CDH12: variants seen among roughly 807,000 people sequenced by gnomAD.
CDH12 encodes cadherin-12.
CDH12 carries 41 observed loss-of-function variants against 74.1 expected under a neutral mutation model. That is an observed-to-expected ratio of 0.55 (90% CI 0.43 to 0.72). CDH12 has a LOEUF of 0.72. Among genes scored for constraint, CDH12 ranks in the 30% least tolerant of loss-of-function variants. The pLI, the probability that CDH12 is intolerant of heterozygous loss-of-function variation, is 0.00. For missense variants in CDH12, 945 were observed against 977.2 expected (o/e 0.97, Z 0.44); for synonymous variants, 399 against 355.0 (o/e 1.12, Z -1.39).
intron 1 of CDH12, among the ~76,000 whole-genome samples, chr5:22,828,763 T>C (rs1581041164): frequency 6.6e-6 from 1 of 152,280 alleles, no homozygotes; most frequent in African/African-American, 2.4e-5. Flanking sequence ...ATACAGGTAA[T>C]TTTAGGCAGA....
intron 1 of CDH12, among the ~76,000 whole-genome samples, chr5:22,714,984 G>A (rs960004256): frequency 7.2e-5 from 11 of 152,132 alleles, no homozygotes; most frequent in African/African-American, 2.4e-4. Context: ...CTCTCAGAAC[G>A]TCTTTCCCAG....
At chr5:22,647,245 G>A (rs576729286) in intron 1 of CDH12, among the ~76,000 whole-genome samples, 10 of 151,688 alleles carry the variant, frequency 6.6e-5, no homozygotes, top group Non-Finnish European at 1.2e-4. Context: ...AGGAAAGGGA[G>A]GAAGGTAATG....
intron 1 of CDH12, among the ~76,000 whole-genome samples, chr5:22,596,567 A>G (rs1398035754): frequency 6.6e-6 from 1 of 152,234 alleles, no homozygotes; most frequent in Non-Finnish European, 1.5e-5. Flanking sequence ...AGTTCATCAA[A>G]TGACTCAGGA....
At chr5:22,683,382 A>G (rs914632592) in intron 1 of CDH12, among the ~76,000 whole-genome samples, 15 of 152,214 alleles carry the variant, frequency 9.9e-5, no homozygotes, top group Non-Finnish European at 2.2e-4. Context: ...AATACTGTTA[A>G]ATAAGTGTAA....
intron 4 of CDH12, among the ~76,000 whole-genome samples, chr5:22,167,035 C>G (rs1748722547): frequency 6.6e-6 from 1 of 152,028 alleles, no homozygotes; most frequent in South Asian, 2.1e-4. Context: ...TAAGTGTTTT[C>G]CAACTGAGCA....
intron 11 of CDH12, among the ~76,000 whole-genome samples, chr5:21,767,831 T>A (rs908905146): frequency 6.6e-6 from 1 of 151,658 alleles, no homozygotes; most frequent in African/African-American, 2.4e-5. Context: ...CAACAACATC[T>A]CAGTTTGAGA....
chr5:21,802,298 C>T lies in CDH12; in HGVS notation c.1125G>A (p.Val375=), dbSNP rs775073021. 1 of 1,613,864 alleles carries T rather than the reference C, an allele frequency of 6.2e-7. No homozygotes were observed. Among genetic ancestry groups the T allele is most frequent in the Non-Finnish European group, 8.5e-7 (1 of 1,179,960 alleles). Residue 375 remains valine, a synonymous_variant, in exon 10 of 15, where the codon GTG becomes GTA. Transcript: ENST00000382254. ...AAACCGGTGGCTCATCTACGTCCAG[C>T]ACGCTGATCTTCACCGTAGCTGTGT... The part of the protein sequence containing the change: ...FKDTATVKIS[V]LDVDEPPVFS...
intron 1 of CDH12, among the ~76,000 whole-genome samples, chr5:22,698,108 G>T (rs971677914): frequency 2.1e-5 from 3 of 140,152 alleles, no homozygotes. Context: ...CTTAATGCCC[G>T]CATAAAGGCA....
Position 22,388,224 on chromosome 5 carries a change from T to C in CDH12, c.-333+17033A>G, listed in dbSNP as rs371184443. Among the ~76,000 whole-genome samples the C allele has an allele frequency of 2.6e-5, 4 of 152,202 alleles. No homozygotes were observed. The South Asian group carries it at 8.3e-4, about 32-fold the overall frequency. ...TATGTTATTAAACTCTCTTGGCTTC[T>C]GCTTTACAAATGAACTACACTACAG... On this transcript the variant is annotated intron_variant, in intron 3 of 14. Coordinates refer to ENST00000382254, the MANE Select transcript of CDH12 (RefSeq NM_004061.5).
chr5:22,050,094 C>T (rs1209946932), intron 5 of CDH12, among the ~76,000 whole-genome samples: 3 of 152,096 alleles, frequency 2.0e-5, no homozygotes, highest in Non-Finnish European at 4.4e-5. Context: ...TTCCGATATT[C>T]TGAACATGTT....
rs867993945 is a variant in CDH12, at chr5:21,891,478, C to T, written c.527-36688G>A. On this transcript the variant is annotated intron_variant, in intron 6 of 14. Coordinates refer to ENST00000382254, the MANE Select transcript of CDH12 (RefSeq NM_004061.5). ...GCTAGAGATCATGAAATGAATTACA[C>T]ACATCATGTGGCCTATACTATCACA... Among the ~76,000 whole-genome samples, 7 of 152,030 alleles carry T rather than the reference C, an allele frequency of 4.6e-5. No individual in the cohort carries two copies. The Middle Eastern group carries it at 0.01, about 222-fold the overall frequency.
chr5:22,525,635 C>T (rs1737236922), intron 1 of CDH12, among the ~76,000 whole-genome samples: 1 of 152,122 alleles, frequency 6.6e-6, no homozygotes, highest in Admixed American at 6.5e-5. Flanking sequence ...ACTCCCCACA[C>T]CTCATTTCCA....
intron 1 of CDH12, among the ~76,000 whole-genome samples, chr5:22,812,876 A>T (rs1050400333): frequency 6.6e-6 from 1 of 151,918 alleles, no homozygotes; most frequent in African/African-American, 2.4e-5. Flanking sequence ...CAGCATAATG[A>T]CCACTGGTAT....
At chr5:22,590,338 G>A (rs1740640440) in intron 1 of CDH12, among the ~76,000 whole-genome samples, 1 of 151,920 alleles carries the variant, frequency 6.6e-6, no homozygotes, top group Admixed American at 6.6e-5. Flanking sequence ...TATACACCTA[G>A]TATATCTATA....
Position 21,752,181 on chromosome 5 carries a change from C to T in CDH12, c.1941G>A (p.Met647Ile), listed in dbSNP as rs1268479910. 1.5e-5 allele frequency: 24 copies of T among 1,613,926 alleles called. No individual in the cohort carries two copies. Among genetic ancestry groups the T allele is most frequent in the Non-Finnish European group, 1.9e-5 (23 of 1,179,896 alleles). Residue 647 changes from methionine (M) to isoleucine (I), a missense_variant, in exon 15 of 15, where the codon ATG becomes ATA. Met to Ile is a conservative substitution (Grantham distance 10). Coordinates refer to ENST00000382254, the MANE Select transcript of CDH12 (RefSeq NM_004061.5). ...LRRQKKKDTL[M>I]TSKEDIRDNV... ...TGTCTCTGATGTCTTCTTTAGAGGT[C>T]ATCAGGGTGTCTTTTTTCTTCTGCC...
rs12108830 is a variant in CDH12 at position 22,657,935 on chromosome 5, G to A, written c.-522-152571C>T. ...GATTAAACATAACTCAGAAGAGTATGTATTACTTACAAATTAGAAAAGCAA... is the reference window on the plus strand; with the variant it reads ...GATTAAACATAACTCAGAAGAGTATATATTACTTACAAATTAGAAAAGCAA... On this transcript the variant is annotated intron_variant, in intron 1 of 14. Coordinates refer to ENST00000382254, the MANE Select transcript of CDH12 (RefSeq NM_004061.5). Among the ~76,000 whole-genome samples the A allele has an allele frequency of 1.9e-3, 289 of 152,212 alleles. 1 individual carries two copies. Among genetic ancestry groups the A allele is most frequent in the African/African-American group, 6.5e-3 (270 of 41,532 alleles).
intron 6 of CDH12, among the ~76,000 whole-genome samples, chr5:21,893,252 C>G (rs1017921683): frequency 3.2e-4 from 49 of 151,944 alleles, no homozygotes; most frequent in African/African-American, 1.1e-3. Context: ...ACTATTTAGT[C>G]TAAGTTGTGG....
In CDH12 at chr5:22,831,727, T is replaced by G. The variant is rs1462281120; in HGVS notation, c.-523+21331A>C. 2.6e-5 allele frequency among the ~76,000 whole-genome samples: 4 copies of G among 151,942 alleles called. No individual in the cohort carries two copies. In the East Asian group the frequency reaches 7.8e-4, roughly 30 times the overall value. ...CTGGCCGAGATGGTGAAACCCCGTC[T>G]CGACTAAAAATACAAAAAAAATTAG... is the stretch of plus-strand genomic sequence containing the variant. On this transcript the variant is annotated intron_variant, in intron 1 of 14. Transcript: ENST00000382254.
chr5:22,337,012 A>T (rs998360169), intron 3 of CDH12, among the ~76,000 whole-genome samples: 5 of 152,210 alleles, frequency 3.3e-5, no homozygotes, highest in African/African-American at 9.6e-5. Context: ...AGACTATGGG[A>T]ACCTACCTCT....
Sources: gnomAD v4.1 joint callset for allele counts (sites outside exome capture counted in the v4.1 genomes callset) on GRCh38, gnomAD v4.1.1 for gene constraint, MANE v1.5 for transcripts, NCBI Gene and HGNC (gene_info 2026-07-23, HGNC 2026-07-21) for gene names.